UTRN: variants seen among roughly 807,000 people sequenced by gnomAD.
The protein encoded by UTRN is utrophin, also known as dystrophin-related protein 1.
In UTRN, 283 loss-of-function variants were observed where a neutral mutation model predicts 463.9. That is an observed-to-expected ratio of 0.61 (90% CI 0.55 to 0.67). The LOEUF (loss-of-function observed/expected upper bound fraction) is 0.67. Ranked by LOEUF, UTRN falls within the 30% of genes least tolerant of loss-of-function variation. The pLI is 0.00. For missense variants in UTRN, 3,922 were observed against 4,084.3 expected (o/e 0.96, Z 1.08); for synonymous variants, 1,442 against 1,431.5 (o/e 1.01, Z -0.17).
At chr6:144,365,683 G>A (rs1004402197) in intron 2 of UTRN, among the ~76,000 whole-genome samples, 27 of 152,154 alleles carry the variant, frequency 1.8e-4, no homozygotes, top group Non-Finnish European at 3.8e-4. Context: ...ATTACTTAAG[G>A]TATTTTTTTG....
intron 60 of UTRN, among the ~76,000 whole-genome samples, chr6:144,780,386 G>GAA (rs918262538): frequency 2.0e-5 from 3 of 151,696 alleles, no homozygotes; most frequent in Non-Finnish European, 4.4e-5. Context: ...TAAAAAATAA[G>GAA]AAAAAATAAG....
At chr6:144,548,951 G>A in intron 47 of UTRN, 97 bp downstream of exon 47, 1 of 1,280,804 alleles carries the variant, frequency 7.8e-7, no homozygotes, top group Non-Finnish European at 1.1e-6. Flanking sequence ...AACTATGAGA[G>A]AATGAGGTTT....
At chr6:144,467,793 T>C (rs1267138993) in intron 23 of UTRN, among the ~76,000 whole-genome samples, 1 of 152,176 alleles carries the variant, frequency 6.6e-6, no homozygotes, top group East Asian at 1.9e-4. Context: ...TTTTTTCTCA[T>C]TTGTGAACAC....
At chr6:144,788,405 C>T (rs896394986) in intron 61 of UTRN, among the ~76,000 whole-genome samples, 2 of 151,970 alleles carry the variant, frequency 1.3e-5, no homozygotes, top group African/African-American at 4.8e-5. Flanking sequence ...AAGTTGTAAG[C>T]TCTTAGTATA....
rs1584941078 is a variant in UTRN, at chr6:144,476,544, A to T, written c.3336+1785A>T. On this transcript the variant is annotated intron_variant, in intron 25 of 74. Transcript: ENST00000367545. ...TGTGGTGTCATTTACTGCAATAACG[A>T]AGGAGAAGCTTCTGTGGGTGTAGGT... Among the ~76,000 whole-genome samples the T allele has an allele frequency of 3.3e-5, 5 of 152,278 alleles. 1 individual carries two copies. The highest frequency in any genetic ancestry group is 3.3e-4 in the Admixed American group (5 of 15,298).
In UTRN at chr6:144,577,227, C is replaced by G; in HGVS notation, c.7418C>G (p.Ser2473Cys). The change falls in exon 51 of 75, where the codon TCT becomes TGT. Residue 2473 changes from serine (S) to cysteine (C), a missense_variant. By Grantham distance (112) the Ser-to-Cys change is moderately radical. Around this residue, in one of 3 missense-constraint regions of UTRN, gnomAD observed 1,309 missense variants for 1,452.6 expected, o/e 0.90. Transcript: ENST00000367545. ...ACAGTGAATGTGCTTGTGGATGCCT[C>G]TCATCGGGAGAATGCTCTTCAGGAT... ...ETTVNVLVDA[S>C]HRENALQDSI... is the part of the protein sequence containing the mutation. 6.2e-7 allele frequency: 1 copy of G among 1,613,940 alleles called. No homozygotes were observed. The highest frequency in any genetic ancestry group is 2.2e-5 in the East Asian group (1 of 44,850).
intron 9 of UTRN, among the ~76,000 whole-genome samples, chr6:144,431,874 T>C (rs574727618): frequency 7.5e-4 from 115 of 152,378 alleles, no homozygotes; most frequent in African/African-American, 2.4e-3. Context: ...CTGTGCTGAT[T>C]GGTTCATTTC....
In UTRN at chr6:144,447,246, G is replaced by C. The variant is rs114697618; in HGVS notation, c.1650G>C (p.Glu550Asp). Residue 550 changes from glutamate (E) to aspartate (D), a missense_variant, in exon 15 of 75, where the codon GAG becomes GAC. Physicochemically the swap from Glu to Asp is conservative, Grantham distance 45. Coordinates refer to ENST00000367545, the MANE Select transcript of UTRN (RefSeq NM_007124.3). ...LLKAWLTEKEEALNKVQTSNF... is the reference protein window; with the variant it reads ...LLKAWLTEKEDALNKVQTSNF... ...AAGCTTGGTTAACCGAAAAAGAAGA[G>C]GCTTTAAATAAAGTCCAGACAAGCA... The C allele has an allele frequency of 5.7e-5, 92 of 1,613,962 alleles. No individual in the cohort carries two copies. The highest frequency in any genetic ancestry group is 2.0e-4 in the South Asian group (18 of 91,060).
chr6:144,817,473 A>G (rs2128751991), intron 65 of UTRN, among the ~76,000 whole-genome samples: 1 of 152,244 alleles, frequency 6.6e-6, no homozygotes, highest in South Asian at 2.1e-4. Context: ...GTTGAGTTTG[A>G]TTATATTTAT....
At chr6:144,522,525 G>T (rs899532563) in intron 40 of UTRN, among the ~76,000 whole-genome samples, 5 of 152,052 alleles carry the variant, frequency 3.3e-5, no homozygotes, top group African/African-American at 1.2e-4. Flanking sequence ...TTTAAAATTG[G>T]CCAGTTGAGG....
intron 2 of UTRN, among the ~76,000 whole-genome samples, chr6:144,323,699 T>C (rs1775806392): frequency 6.6e-6 from 1 of 152,230 alleles, no homozygotes; most frequent in African/African-American, 2.4e-5. Flanking sequence ...TTTGGTCATA[T>C]ATTAAACATA....
intron 36 of UTRN, 73 bp downstream of exon 36, chr6:144,514,110 C>T (rs888419182): frequency 1.3e-6 from 2 of 1,571,936 alleles, no homozygotes; most frequent in Non-Finnish European, 1.7e-6. Context: ...TTCTGGAATG[C>T]TCTAAGTTAC....
chr6:144,764,620 T>A (rs1207719751), intron 58 of UTRN, among the ~76,000 whole-genome samples: 2 of 152,094 alleles, frequency 1.3e-5, no homozygotes, highest in Non-Finnish European at 2.9e-5. Context: ...TATCTATACT[T>A]TATAAAGATT....
intron 17 of UTRN, among the ~76,000 whole-genome samples, chr6:144,451,119 C>T (rs1788251373): frequency 6.7e-6 from 1 of 149,792 alleles, no homozygotes; most frequent in East Asian, 1.9e-4. Context: ...CTCGAAACAA[C>T]AACAACAACA....
chr6:144,633,065 T>G (rs1391333949), intron 51 of UTRN, among the ~76,000 whole-genome samples: 4 of 152,080 alleles, frequency 2.6e-5, no homozygotes, highest in Non-Finnish European at 5.9e-5. Context: ...ACCAATAATA[T>G]TTGGCATAAT....
intron 2 of UTRN, among the ~76,000 whole-genome samples, chr6:144,327,399 G>C (rs1776041033): frequency 6.6e-6 from 1 of 152,138 alleles, no homozygotes; most frequent in Non-Finnish European, 1.5e-5. Flanking sequence ...AACGCAACCA[G>C]GGCCTGCTGG....
intron 25 of UTRN, among the ~76,000 whole-genome samples, chr6:144,476,851 C>A (rs1032835592): frequency 2.6e-5 from 4 of 152,008 alleles, no homozygotes; most frequent in Non-Finnish European, 5.9e-5. Flanking sequence ...AGCTGGGACA[C>A]CAAGCATAAC....
In UTRN at chr6:144,473,761, A is replaced by G. The variant is rs997852605; in HGVS notation, c.3108A>G (p.Lys1036=). 8.1e-6 allele frequency: 13 copies of G among 1,614,152 alleles called. No homozygotes were observed. The highest frequency in any genetic ancestry group is 1.1e-5 in the Non-Finnish European group (13 of 1,180,026). The part of the protein sequence containing the change: ...TVIEKWMDGV[K]DFLMKQQAAQ... Reference sequence around the variant, plus strand: ...TTGAGAAGTGGATGGATGGCGTGAAAGACTTCTTAATGAAACAGCAGGCTG... The same window carrying G: ...TTGAGAAGTGGATGGATGGCGTGAAGGACTTCTTAATGAAACAGCAGGCTG... Residue 1036 remains lysine (K), a synonymous_variant, in exon 24 of 75, where the codon AAA becomes AAG. Coordinates refer to ENST00000367545, the MANE Select transcript of UTRN (RefSeq NM_007124.3).
chr6:144,719,924 A>C (rs1389582830), intron 53 of UTRN, among the ~76,000 whole-genome samples: 2 of 152,244 alleles, frequency 1.3e-5, no homozygotes, highest in Non-Finnish European at 2.9e-5. Flanking sequence ...ATGGCTTTAG[A>C]TTGAAGAAAG....
Sources: allele counts gnomAD v4.1 joint callset (sites outside exome capture counted in the v4.1 genomes callset), GRCh38; gene constraint gnomAD v4.1.1; regional missense constraint gnomAD v4.1.1; transcripts MANE v1.5; gene names NCBI Gene and HGNC (gene_info 2026-07-23, HGNC 2026-07-21).